Variants in CDH1 observed in about 807,000 individuals in gnomAD.
CDH1 encodes cadherin-1.
In CDH1, 35 loss-of-function variants were observed where a neutral mutation model predicts 84.5. That is an observed-to-expected ratio of 0.41 (90% CI 0.32 to 0.55). The LOEUF is 0.55. Ranked by LOEUF, CDH1 falls within the 20% of genes least tolerant of loss-of-function variation. The pLI, the probability that CDH1 is intolerant of heterozygous loss-of-function variation, is 0.19. For synonymous variants in CDH1, 417 were observed against 439.0 expected (o/e 0.95, Z 0.63); for missense variants, 994 against 1,126.6 (o/e 0.88, Z 1.68).
chr16:68,810,115 G>C (rs1960776167), intron 5 of CDH1, 82 bp from the exon 6 acceptor site: 1 of 1,480,316 alleles, frequency 6.8e-7, no homozygotes, highest in Admixed American at 1.7e-5. Flanking sequence ...AGCCAGGGGG[G>C]CGCACTCTGC....
chr16:68,748,612 T>C (rs929136883), intron 2 of CDH1, among the ~76,000 whole-genome samples: 2 of 152,212 alleles, frequency 1.3e-5, no homozygotes, highest in South Asian at 2.1e-4. Flanking sequence ...ACATTTTTTT[T>C]CTACACATTC....
intron 3 of CDH1, among the ~76,000 whole-genome samples, chr16:68,807,301 G>C (rs1960691348): frequency 6.6e-6 from 1 of 152,132 alleles, no homozygotes. Context: ...TGATCACAAA[G>C]TAGTTCTTAG....
At position 68,773,049 on chromosome 16, in the gene CDH1, C is replaced by T. The variant is rs559170728; in HGVS notation, c.164-28621C>T. Among the ~76,000 whole-genome samples the T allele has an allele frequency of 2.0e-4, 30 of 152,248 alleles. 1 individual carries two copies. Among genetic ancestry groups the T allele is most frequent in the Admixed American group, 1.6e-3 (24 of 15,292 alleles). On this transcript the variant is annotated intron_variant, in intron 2 of 15. Transcript: ENST00000261769. ...GAATTTTGCTTGTGGAAATGGGTCT[C>T]TAAAGGGTTGTGGCTTGTTATAAGT...
rs1238176229 is a variant in CDH1, at chr16:68,815,577, T to A, written c.1383T>A (p.Pro461=). ...ILHVAVTNVV[P]FEVSLTTSTA... ...ACGTAGCAGTGACGAATGTGGTACC[T>A]TTTGAGGTCTCTCTCACCACCTCCA... The change falls in exon 10 of 16, where the codon CCT becomes CCA. Residue 461 remains proline (P), a synonymous_variant. Coordinates refer to ENST00000261769, the MANE Select transcript of CDH1 (RefSeq NM_004360.5). 1.2e-6 allele frequency: 2 copies of A among 1,614,146 alleles called. No homozygotes were observed. The highest frequency in any genetic ancestry group is 2.7e-5 in the African/African-American group (2 of 74,954).
chr16:68,765,256 C>G (rs560153953), intron 2 of CDH1: 1 of 152,192 alleles, frequency 6.6e-6, no homozygotes, highest in Non-Finnish European at 1.5e-5. Context: ...GGCGTGATCT[C>G]GGCTCACTGC....
intron 7 of CDH1, 111 bp from the exon 8 acceptor site, chr16:68,812,024 G>T: frequency 6.5e-7 from 1 of 1,549,602 alleles, no homozygotes. Flanking sequence ...AAGACAGGCA[G>T]GCTGGCATGA....
intron 2 of CDH1, among the ~76,000 whole-genome samples, chr16:68,744,938 T>G (rs1224788081): frequency 1.3e-5 from 2 of 152,278 alleles, no homozygotes; most frequent in African/African-American, 4.8e-5. Context: ...CCTGCTTCTG[T>G]GTTAAGCAAA....
intron 15 of CDH1, among the ~76,000 whole-genome samples, chr16:68,832,250 A>G (rs544833461): frequency 1.3e-5 from 2 of 152,168 alleles, no homozygotes; most frequent in African/African-American, 4.8e-5. Flanking sequence ...TTTGTTACCT[A>G]TATAACAAAC....
chr16:68,802,058 G>A (rs1402955487), intron 3 of CDH1, among the ~76,000 whole-genome samples, 165 bp downstream of exon 3: 1 of 152,218 alleles, frequency 6.6e-6, no homozygotes, highest in Non-Finnish European at 1.5e-5. Flanking sequence ...GGCCTTAACT[G>A]GTTAGACACC....
intron 2 of CDH1, among the ~76,000 whole-genome samples, chr16:68,785,237 G>C (rs1201977915): frequency 1.3e-5 from 2 of 152,054 alleles, no homozygotes; most frequent in African/African-American, 4.8e-5. Flanking sequence ...TGTTGCCCAG[G>C]CTGGAGTACA....
chr16:68,751,186 T>A (rs1962875064), intron 2 of CDH1, among the ~76,000 whole-genome samples: 1 of 152,160 alleles, frequency 6.6e-6, no homozygotes, highest in Non-Finnish European at 1.5e-5. Context: ...TTACCCATGG[T>A]TCCCCATTTC....
Position 68,833,608 on chromosome 16 carries a change from AAG to A in CDH1, c.*113_*114del. On this transcript the variant is annotated 3_prime_UTR_variant, in exon 16 of 16. Coordinates refer to ENST00000261769, the MANE Select transcript of CDH1 (RefSeq NM_004360.5). ...TTGAGATGAGTTTCTGGGGAAAAAA[AAG>A]AGACTGGTTAGTGATGCAGTTAGTA... is the stretch of plus-strand genomic sequence containing the variant. 2 of 830,300 alleles carry A rather than the reference AAG, an allele frequency of 2.4e-6. No homozygotes were observed. The highest frequency in any genetic ancestry group is 4.1e-6 in the Non-Finnish European group (2 of 483,054). The allele number at this position is 830,300 out of a possible 1,614,324, so 51.4% of individuals were successfully genotyped here.
intron 2 of CDH1, among the ~76,000 whole-genome samples, chr16:68,771,625 G>A (rs1236117360): frequency 1.3e-5 from 2 of 152,024 alleles, no homozygotes; most frequent in African/African-American, 4.8e-5. Flanking sequence ...GGTGGCGCAT[G>A]CCTGTAGTCC....
chr16:68,742,787 A>G (rs1962602974), intron 2 of CDH1, among the ~76,000 whole-genome samples: 1 of 152,230 alleles, frequency 6.6e-6, no homozygotes, highest in South Asian at 2.1e-4. Flanking sequence ...CCCTAATACA[A>G]TTAGACTTTT....
chr16:68,772,509 A>T (rs1029800502), intron 2 of CDH1, among the ~76,000 whole-genome samples: 2 of 152,200 alleles, frequency 1.3e-5, no homozygotes, highest in African/African-American at 2.4e-5. Context: ...GCTGACATCT[A>T]TGGACCACTT....
At chr16:68,788,645 T>G (rs1960130113) in intron 2 of CDH1, among the ~76,000 whole-genome samples, 2 of 152,206 alleles carry the variant, frequency 1.3e-5, no homozygotes, top group Admixed American at 1.3e-4. Context: ...AATTACTTTT[T>G]GGGTTGACTG....
At position 68,808,663 on chromosome 16, in the gene CDH1, C is replaced by T. The variant is rs768260678; in HGVS notation, c.532-30C>T. On this transcript the variant is annotated intron_variant, in intron 4 of 15. Coordinates refer to ENST00000261769, the MANE Select transcript of CDH1 (RefSeq NM_004360.5). ...GACCCAGTGTTGGGATCCTTCTTTACTAATTCTTTTTCTTTCATTTTGTCT... is the reference window on the plus strand; with the variant it reads ...GACCCAGTGTTGGGATCCTTCTTTATTAATTCTTTTTCTTTCATTTTGTCT... The T allele has an allele frequency of 2.5e-6, 4 of 1,613,648 alleles. No homozygotes were observed. The African/African-American group carries it at 4.0e-5, about 16-fold the overall frequency.
chr16:68,810,094 G>T, intron 5 of CDH1, 103 bp from the exon 6 acceptor site: 1 of 1,197,890 alleles, frequency 8.3e-7, no homozygotes. Context: ...CAGAGCCTAG[G>T]AAGGTGTGGC....
chr16:68,764,434 A>T (rs1234634753), intron 2 of CDH1, among the ~76,000 whole-genome samples: 1 of 152,182 alleles, frequency 6.6e-6, no homozygotes. Flanking sequence ...AAAATTAGCC[A>T]GGTATGGTGC....
Sources: gnomAD v4.1 joint callset for allele counts (sites outside exome capture counted in the v4.1 genomes callset) on GRCh38, gnomAD v4.1.1 for gene constraint, MANE v1.5 for transcripts, NCBI Gene and HGNC (gene_info 2026-07-23, HGNC 2026-07-21) for gene names.